The following PPP1R14C variants were observed in gnomAD, a reference collection of about 807,000 sequenced individuals.
PPP1R14C encodes protein phosphatase 1 regulatory subunit 14C.
A neutral mutation model predicts 20.4 loss-of-function variants in PPP1R14C; 16 were observed. That is an observed-to-expected ratio of 0.78 (90% confidence interval 0.53 to 1.19). PPP1R14C has a LOEUF of 1.19. Ranked by LOEUF, PPP1R14C falls within the 50% of genes most tolerant of loss-of-function variation. The pLI, the probability that PPP1R14C is intolerant of heterozygous loss-of-function variation, is 0.00. For synonymous variants in PPP1R14C, 91 were observed against 91.0 expected (o/e 1.00, Z 0.00); for missense variants, 211 against 220.1 (o/e 0.96, Z 0.26).
chr6:150,181,279 ACT>A (rs1459214405), intron 1 of PPP1R14C, among the ~76,000 whole-genome samples: 3 of 151,398 alleles, frequency 2.0e-5, no homozygotes, highest in Non-Finnish European at 4.4e-5. Context: ...CGGGTTTAAG[ACT>A]CTCTTGCCTC....
At chr6:150,186,932 G>A (rs1257956264) in intron 1 of PPP1R14C, among the ~76,000 whole-genome samples, 1 of 152,082 alleles carries the variant, frequency 6.6e-6, no homozygotes, top group African/African-American at 2.4e-5. Flanking sequence ...AAGCAGTGGT[G>A]TGGGGTGGTC....
Position 150,249,600 on chromosome 6 carries a change from C to T in PPP1R14C, c.*780C>T, listed in dbSNP as rs1389293839. The T allele has an allele frequency of 2.5e-6, 1 of 398,360 alleles. No homozygotes were observed. Among genetic ancestry groups the T allele is most frequent in the African/African-American group, 2.1e-5 (1 of 48,578 alleles). 24.7% of individuals were successfully genotyped at this position (398,360 alleles called of 1,614,324 possible). The stretch of plus-strand genomic sequence containing the variant: ...TTGTATGAACCCTTAATTTGAAGAA[C>T]TAACTTGATTTCTAGAGAAATATCC... On this transcript the variant is annotated 3_prime_UTR_variant, in exon 4 of 4. Transcript: ENST00000361131.
intron 1 of PPP1R14C, among the ~76,000 whole-genome samples, chr6:150,149,299 ATGTGTG>A (rs141854673): frequency 6.8e-6 from 1 of 147,344 alleles, no homozygotes; most frequent in Non-Finnish European, 1.5e-5. Context: ...CTCCATACAT[ATGTGTG>A]TGTGTGTGTG....
chr6:150,152,369 T>G (rs1777258880), intron 1 of PPP1R14C, among the ~76,000 whole-genome samples: 1 of 152,132 alleles, frequency 6.6e-6, no homozygotes, highest in South Asian at 2.1e-4. Flanking sequence ...CTCCATGGGC[T>G]GCAGCTAGTG....
intron 1 of PPP1R14C, among the ~76,000 whole-genome samples, chr6:150,159,696 CTA>C (rs1440139294): frequency 6.6e-6 from 1 of 151,780 alleles, no homozygotes; most frequent in African/African-American, 2.4e-5. Flanking sequence ...AGACAGAACA[CTA>C]TTGCCATATA....
chr6:150,190,434 C>CTT (rs147541303), intron 1 of PPP1R14C, among the ~76,000 whole-genome samples: 13,867 of 140,074 alleles, frequency 0.099, 807 homozygotes, highest in African/African-American at 0.16. Flanking sequence ...TGTATTTTGC[C>CTT]TTTTTTTTTT....
At chr6:150,229,798 C>G (rs1778272440) in intron 3 of PPP1R14C, among the ~76,000 whole-genome samples, 1 of 152,246 alleles carries the variant, frequency 6.6e-6, no homozygotes, top group South Asian at 2.1e-4. Context: ...AGCCTCCTTT[C>G]AGATAATGAA....
At position 150,188,820 on chromosome 6, in the gene PPP1R14C, A is replaced by G. The variant is rs185746622; in HGVS notation, c.307-25924A>G. Among the ~76,000 whole-genome samples, 353 of 150,478 alleles carry G rather than the reference A, an allele frequency of 2.3e-3. 1 individual carries two copies. Among genetic ancestry groups the G allele is most frequent in the Non-Finnish European group, 2.8e-3 (187 of 67,540 alleles). ...CTTCTTATGGGACATTTTTTCTTACAGGATTTTTTATTTTTTTATTTTTAA... is the reference window on the plus strand; with the variant it reads ...CTTCTTATGGGACATTTTTTCTTACGGGATTTTTTATTTTTTTATTTTTAA... On this transcript the variant is annotated intron_variant, in intron 1 of 3. Transcript: ENST00000361131.
intron 3 of PPP1R14C, among the ~76,000 whole-genome samples, chr6:150,243,393 G>T (rs1778455374): frequency 1.3e-5 from 2 of 152,092 alleles, no homozygotes; most frequent in Non-Finnish European, 2.9e-5. Context: ...GTCCAGGCGG[G>T]TCTTGAACTC....
At chr6:150,153,791 T>G (rs1034441593) in intron 1 of PPP1R14C, among the ~76,000 whole-genome samples, 1 of 152,176 alleles carries the variant, frequency 6.6e-6, no homozygotes, top group African/African-American at 2.4e-5. Flanking sequence ...ATAAAGTGAT[T>G]AAGAAACAGC....
At chr6:150,205,020 T>C (rs567080073) in intron 1 of PPP1R14C, among the ~76,000 whole-genome samples, 149 of 150,342 alleles carry the variant, frequency 9.9e-4, no homozygotes, top group Non-Finnish European at 1.8e-3. Flanking sequence ...TGTTAAACTG[T>C]GTCTGGAGCA....
intron 1 of PPP1R14C, among the ~76,000 whole-genome samples, chr6:150,208,595 A>G (rs1777982616): frequency 6.6e-6 from 1 of 152,222 alleles, no homozygotes; most frequent in South Asian, 2.1e-4. Context: ...AGTACCAGCT[A>G]ATGAAACTCA....
At chr6:150,178,369 C>G (rs1033940719) in intron 1 of PPP1R14C, among the ~76,000 whole-genome samples, 3 of 152,202 alleles carry the variant, frequency 2.0e-5, no homozygotes, top group African/African-American at 7.2e-5. Context: ...TGGACGCTGG[C>G]TCTGTGGGCC....
intron 1 of PPP1R14C, among the ~76,000 whole-genome samples, chr6:150,169,858 A>C (rs1195077874): frequency 6.6e-6 from 1 of 152,196 alleles, no homozygotes; most frequent in African/African-American, 2.4e-5. Flanking sequence ...GAATTAATTG[A>C]TGTGGCAAAC....
Position 150,202,575 on chromosome 6 carries a change from G to A in PPP1R14C, c.307-12169G>A, listed in dbSNP as rs750705005. 4.6e-5 allele frequency among the ~76,000 whole-genome samples: 7 copies of A among 152,202 alleles called. No homozygotes were observed. In the East Asian group the frequency reaches 5.8e-4, roughly 13 times the overall value. ...AGAAGAAGCTTCGGCCGACTTTGCC[G>A]CTCCTTTGCCGCCGGGACAGCCCTG... On this transcript the variant is annotated intron_variant, in intron 1 of 3. Coordinates refer to ENST00000361131, the MANE Select transcript of PPP1R14C (RefSeq NM_030949.3).
chr6:150,149,928 C>T (rs745512764), intron 1 of PPP1R14C, among the ~76,000 whole-genome samples: 3 of 152,122 alleles, frequency 2.0e-5, no homozygotes, highest in Non-Finnish European at 4.4e-5. Context: ...TCCTCATTCT[C>T]TATGTTTTGG....
At chr6:150,194,342 T>A (rs932303181) in intron 1 of PPP1R14C, among the ~76,000 whole-genome samples, 2 of 152,218 alleles carry the variant, frequency 1.3e-5, no homozygotes, top group Non-Finnish European at 2.9e-5. Context: ...TCAAAACACT[T>A]ATAAGGATTT....
chr6:150,173,829 C>T (rs2057558), intron 1 of PPP1R14C, among the ~76,000 whole-genome samples: 21,337 of 150,092 alleles, frequency 0.14, 1,900 homozygotes, highest in South Asian at 0.28. Context: ...CTCCTAAGCA[C>T]CCCAATCTCT....
At chr6:150,213,393 A>G (rs1437430899) in intron 1 of PPP1R14C, among the ~76,000 whole-genome samples, 1 of 151,482 alleles carries the variant, frequency 6.6e-6, no homozygotes, top group Non-Finnish European at 1.5e-5. Context: ...GAGGTTGAGT[A>G]CTATTACTGA....
Sources: allele counts gnomAD v4.1 joint callset (sites outside exome capture counted in the v4.1 genomes callset), GRCh38; gene constraint gnomAD v4.1.1; transcripts MANE v1.5; gene names NCBI Gene and HGNC (gene_info 2026-07-23, HGNC 2026-07-21).